PRCD: variants seen among roughly 807,000 people sequenced by gnomAD.
PRCD encodes the protein photoreceptor disc component, also known as photoreceptor disk component PRCD.
In PRCD, 12 loss-of-function variants were observed where a neutral mutation model predicts 10.1. That is an observed-to-expected ratio of 1.18 (90% confidence interval 0.76 to 1.92). PRCD has a LOEUF of 1.92. Ranked by LOEUF, PRCD falls within the 40% of genes most tolerant of loss-of-function variation. The pLI is 0.00. For synonymous variants in PRCD, 31 were observed against 26.2 expected (o/e 1.18, Z -0.56); for missense variants, 61 against 72.2 (o/e 0.84, Z 0.56).
intron 1 of PRCD, among the ~76,000 whole-genome samples, chr17:76,534,712 C>G (rs2074896141): frequency 6.6e-6 from 1 of 152,230 alleles, no homozygotes; most frequent in African/African-American, 2.4e-5. Context: ...CCCGCTTTGA[C>G]AGTTTCCCTA....
intron 1 of PRCD, chr17:76,529,902 C>T (rs2074814366): frequency 1.0e-6 from 1 of 985,006 alleles, no homozygotes; most frequent in Non-Finnish European, 1.2e-6. Context: ...TGGGGTGGTG[C>T]TGACGGGAGA....
intron 1 of PRCD, among the ~76,000 whole-genome samples, chr17:76,534,146 T>TCTCTCTCTCTCTC (rs2074885915): frequency 8.5e-5 from 11 of 129,016 alleles, no homozygotes; most frequent in South Asian, 2.8e-4. Context: ...CTCTTTCTCT[T>TCTCTCTCTCTCTC]TCTCTCTCTC....
intron 1 of PRCD, chr17:76,529,976 C>T: frequency 1.4e-5 from 14 of 985,314 alleles, no homozygotes; most frequent in African/African-American, 1.7e-5. Flanking sequence ...GGCAGGAGGC[C>T]TGGCGTCCCC....
Position 76,528,781 on chromosome 17 carries a change from G to GA in PRCD, n.45+950dup. 2 of 1,010,830 alleles carry GA rather than the reference G, an allele frequency of 2.0e-6. No individual in the cohort carries two copies. The highest frequency in any genetic ancestry group is 1.0e-4 in the South Asian group (2 of 19,058). 62.6% of individuals were successfully genotyped at this position (1,010,830 alleles called of 1,614,324 possible). On this transcript the variant is annotated intron_variant and non_coding_transcript_variant, in intron 1 of 4. Transcript: ENST00000397633. This position sits in a 1 kb window ranked among gnomAD's most constrained non-coding sequence, Gnocchi z 5.8. The stretch of plus-strand genomic sequence containing the variant: ...CAAGTTCTAGTCTCCGTCCTGCTAC[G>GA]AACGTGCTGTGTGATCTCAGGCAAG...
At chr17:76,541,469 A>G (rs1567911737) in intron 2 of PRCD, among the ~76,000 whole-genome samples, 1 of 152,208 alleles carries the variant, frequency 6.6e-6, no homozygotes, top group Non-Finnish European at 1.5e-5. Context: ...GGGACCTGCC[A>G]GCAATGTGTC....
rs779925594 is a variant in PRCD at position 76,530,987 on chromosome 17, G to A, written n.45+3154G>A. The A allele has an allele frequency of 4.1e-5, 66 of 1,604,684 alleles. No individual in the cohort carries two copies. Among genetic ancestry groups the A allele is most frequent in the Middle Eastern group, 1.7e-4 (1 of 5,994 alleles). ...CTCGCCCGCCTCCTCACGTGGTGGC[G>A]TTGGGGACCTGCTGCACCCAGCCCA... On this transcript the variant is annotated intron_variant and non_coding_transcript_variant, in intron 1 of 4. Coordinates refer to the PRCD transcript ENST00000397633. The surrounding 1 kb of genome is among the most constrained non-coding windows in gnomAD (Gnocchi z 6.1).
In PRCD at chr17:76,540,251, C is replaced by CGGG. The variant is rs757827110; in HGVS notation, c.74+46_74+48dup. ...GACCGGGCTATGGCTGGCGGTTGGT[C>CGGG]GGGGGGGGGGGGCATGGGGCTGGGC... On this transcript the variant is annotated intron_variant, in intron 1 of 4. Coordinates refer to ENST00000592014, the MANE Select transcript of PRCD (RefSeq NM_001077620.3). The surrounding 1 kb of genome is among the most constrained non-coding windows in gnomAD (Gnocchi z 5.0). The CGGG allele has an allele frequency of 1.5e-5, 13 of 871,126 alleles. 1 individual carries two copies. The highest frequency in any genetic ancestry group is 4.5e-5 in the African/African-American group (2 of 44,910). The allele number at this position is 871,126 out of a possible 1,614,324, so 54.0% of individuals were successfully genotyped here.
In PRCD at chr17:76,531,624, C is replaced by T; in HGVS notation, n.45+3791C>T. ...CGCAGCTGGGGGCTCCGCTCCATCTCCAGGGGATCCTCCATGTGCTTGAAC... is the reference window on the plus strand; with the variant it reads ...CGCAGCTGGGGGCTCCGCTCCATCTTCAGGGGATCCTCCATGTGCTTGAAC... On this transcript the variant is annotated intron_variant and non_coding_transcript_variant, in intron 1 of 4. Coordinates refer to the PRCD transcript ENST00000397633. The surrounding 1 kb of genome is among the most constrained non-coding windows in gnomAD (Gnocchi z 7.4). 1 of 1,613,054 alleles carries T rather than the reference C, an allele frequency of 6.2e-7. No homozygotes were observed. The highest frequency in any genetic ancestry group is 8.5e-7 in the Non-Finnish European group (1 of 1,179,058).
At position 76,540,206 on chromosome 17, in the gene PRCD, G is replaced by T. The variant is rs760704583; in HGVS notation, c.65G>T (p.Arg22Leu). The change falls in exon 1 of 5, where the codon CGA becomes CTA. Residue 22 changes from arginine to leucine, a missense_variant. Transcript: ENST00000592014. The surrounding 1 kb of genome is among the most constrained non-coding windows in gnomAD (Gnocchi z 5.0). ...AMLWRRRFANRVQPEPSDVDG... is the reference protein window; with the variant it reads ...AMLWRRRFANLVQPEPSDVDG... ...CTCTGGCGCCGCCGATTTGCCAACC[G>T]AGTCCAACCGTGAGAAACTGACCGG... 5 of 1,467,374 alleles carry T rather than the reference G, an allele frequency of 3.4e-6. No homozygotes were observed. Among genetic ancestry groups the T allele is most frequent in the Non-Finnish European group, 4.6e-6 (5 of 1,091,764 alleles). The allele number at this position is 1,467,374 out of a possible 1,614,324, so 90.9% of individuals were successfully genotyped here. A position where few individuals can be genotyped will look rare whatever the true frequency, so the allele number is the denominator to read the frequency against.
downstream of PRCD, among the ~76,000 whole-genome samples, chr17:76,547,666 T>C (rs76339169): frequency 0.072 from 10,273 of 142,914 alleles, 1,090 homozygotes; most frequent in African/African-American, 0.24. Context: ...CACACACATA[T>C]TCACACACAG....
rs1359836480 is a variant in PRCD, at chr17:76,530,222, G to A, written n.45+2389G>A. On this transcript the variant is annotated intron_variant and non_coding_transcript_variant, in intron 1 of 4. Transcript: ENST00000397633. This position sits in a 1 kb window ranked among gnomAD's most constrained non-coding sequence, Gnocchi z 6.1. ...TCCTTCCTACTCCAGCCCTGCCTCCGCCTCTCCATTCAGCTCCCAGAGTCA... is the reference window on the plus strand; with the variant it reads ...TCCTTCCTACTCCAGCCCTGCCTCCACCTCTCCATTCAGCTCCCAGAGTCA... Among the ~76,000 whole-genome samples, 1 of 151,998 alleles carries A rather than the reference G, an allele frequency of 6.6e-6. No homozygotes were observed. Among genetic ancestry groups the A allele is most frequent in the Admixed American group, 6.6e-5 (1 of 15,266 alleles).
chr17:76,546,976 T>C (rs920472884), downstream of PRCD: 8 of 152,146 alleles, frequency 5.3e-5, no homozygotes, highest in Admixed American at 2.6e-4. The surrounding 1 kb of genome is among the most constrained non-coding windows in gnomAD (Gnocchi z 4.5). Flanking sequence ...AAGTCTCGAG[T>C]TGGGGGCCGT....
downstream of PRCD, among the ~76,000 whole-genome samples, chr17:76,548,153 TCACA>T (rs1007344840): frequency 3.9e-4 from 58 of 150,400 alleles, no homozygotes; most frequent in African/African-American, 1.4e-3. Flanking sequence ...ACATACACAT[TCACA>T]CATACACACA....
chr17:76,546,775 A>C (rs2075057856), downstream of PRCD: 1 of 152,258 alleles, frequency 6.6e-6, no homozygotes, highest in Non-Finnish European at 1.5e-5. The surrounding 1 kb of genome is among the most constrained non-coding windows in gnomAD (Gnocchi z 4.5). Context: ...TTGGGCGCTT[A>C]CTATGTGCTA....
upstream of PRCD, among the ~76,000 whole-genome samples, chr17:76,535,972 C>T (rs2074909035): frequency 6.6e-6 from 1 of 152,166 alleles, no homozygotes; most frequent in South Asian, 2.1e-4. Context: ...CAGGTGCTGA[C>T]ACACGGCTGA....
chr17:76,538,473 A>G, upstream of PRCD: 1 of 465,342 alleles, frequency 2.1e-6, no homozygotes, highest in South Asian at 1.6e-5. Flanking sequence ...GGCGGCGGCC[A>G]GAAGTCCCCC....
In PRCD at chr17:76,528,890, G is replaced by GT; in HGVS notation, n.45+1060dup. ...TGTGACATAAACTGGGTAAAAAAGT[G>GT]TTTCACAAACTGCAAAGCACGATAC... is the stretch of plus-strand genomic sequence containing the variant. On this transcript the variant is annotated intron_variant and non_coding_transcript_variant, in intron 1 of 4. Coordinates refer to the PRCD transcript ENST00000397633. This position sits in a 1 kb window ranked among gnomAD's most constrained non-coding sequence, Gnocchi z 5.8. The GT allele has an allele frequency of 8.3e-7, 1 of 1,210,548 alleles. No homozygotes were observed. The highest frequency in any genetic ancestry group is 4.3e-5 in the South Asian group (1 of 23,318). 75.0% of individuals were successfully genotyped at this position (1,210,548 alleles called of 1,614,324 possible).
chr17:76,537,381 C>G (rs762900166), upstream of PRCD: 1 of 1,576,802 alleles, frequency 6.3e-7, no homozygotes, highest in Admixed American at 1.8e-5. Flanking sequence ...AGGGCCCGGC[C>G]GGGCCGGGCG....
upstream of PRCD, chr17:76,537,545 G>A: frequency 3.3e-6 from 5 of 1,516,606 alleles, no homozygotes; most frequent in Non-Finnish European, 4.4e-6. Flanking sequence ...TTCTCCATGA[G>A]CAGCTCCAAG....
Sources: allele counts gnomAD v4.1 joint callset (sites outside exome capture counted in the v4.1 genomes callset), GRCh38; gene constraint gnomAD v4.1.1; non-coding constraint Gnocchi (gnomAD v3.1); transcripts MANE v1.5; gene names NCBI Gene and HGNC (gene_info 2026-07-23, HGNC 2026-07-21).